SPIRE1: variants seen among roughly 807,000 people sequenced by gnomAD.
SPIRE1 encodes the protein protein spire homolog 1.
In SPIRE1, 40 loss-of-function variants were observed where a neutral mutation model predicts 94.1. That is an observed-to-expected ratio of 0.43 (90% CI 0.33 to 0.55). The LOEUF is 0.55. SPIRE1 is among the 20% of genes least tolerant of loss of function. The pLI, the probability that SPIRE1 is intolerant of heterozygous loss-of-function variation, is 0.06. For synonymous variants in SPIRE1, 376 were observed against 371.7 expected (o/e 1.01, Z -0.13); for missense variants, 838 against 975.2 (o/e 0.86, Z 1.87).
Position 12,608,722 on chromosome 18 carries a change from G to A in SPIRE1, c.372+26340C>T, listed in dbSNP as rs374364193. ...TTGTAATAAAGCTTTACATTAAGGTGATGGCAATAATAATATCAATAGTAT... is the reference window on the plus strand; with the variant it reads ...TTGTAATAAAGCTTTACATTAAGGTAATGGCAATAATAATATCAATAGTAT... On this transcript the variant is annotated intron_variant, in intron 2 of 16. Coordinates refer to ENST00000409402, the MANE Select transcript of SPIRE1 (RefSeq NM_001128626.2). Among the ~76,000 whole-genome samples, 628 of 152,248 alleles carry A rather than the reference G, an allele frequency of 4.1e-3. 1 individual carries two copies. Among genetic ancestry groups the A allele is most frequent in the Non-Finnish European group, 7.3e-3 (496 of 68,020 alleles).
intron 2 of SPIRE1, among the ~76,000 whole-genome samples, chr18:12,587,354 A>G (rs1026092783): frequency 6.6e-5 from 10 of 152,182 alleles, no homozygotes; most frequent in Non-Finnish European, 1.2e-4. Context: ...CTCCAGCTTC[A>G]GCTACCTGCT....
chr18:12,586,593 T>C (rs2036396929), intron 2 of SPIRE1, among the ~76,000 whole-genome samples: 1 of 152,254 alleles, frequency 6.6e-6, no homozygotes, highest in African/African-American at 2.4e-5. Context: ...ACTAACAGTA[T>C]GCAAATTAAA....
chr18:12,539,585 ACG>A (rs112293260), intron 3 of SPIRE1, among the ~76,000 whole-genome samples: 4 of 144,798 alleles, frequency 2.8e-5, no homozygotes, highest in East Asian at 4.0e-4. Context: ...ATACACACAC[ACG>A]CACACACACA....
intron 2 of SPIRE1, among the ~76,000 whole-genome samples, chr18:12,624,457 T>G (rs2037563669): frequency 6.7e-6 from 1 of 148,674 alleles, no homozygotes; most frequent in Non-Finnish European, 1.5e-5. Context: ...GCAGCAGAAT[T>G]ACTTGAACCC....
chr18:12,654,883 C>T (rs1184345923), intron 1 of SPIRE1, among the ~76,000 whole-genome samples: 1 of 151,898 alleles, frequency 6.6e-6, no homozygotes, highest in Non-Finnish European at 1.5e-5. Flanking sequence ...CAAAAATTAG[C>T]TGGGCGTGGT....
At chr18:12,625,566 T>C (rs2037598347) in intron 2 of SPIRE1, among the ~76,000 whole-genome samples, 1 of 152,226 alleles carries the variant, frequency 6.6e-6, no homozygotes, top group African/African-American at 2.4e-5. Context: ...TACAAGATAT[T>C]TTAAGATTTA....
At chr18:12,511,309 T>C (rs778822105) in intron 5 of SPIRE1, among the ~76,000 whole-genome samples, 1 of 152,344 alleles carries the variant, frequency 6.6e-6, no homozygotes, top group Middle Eastern at 3.4e-3. Context: ...GCGTTATGCC[T>C]GAGCTCTGTC....
intron 2 of SPIRE1, among the ~76,000 whole-genome samples, chr18:12,599,562 CT>C: frequency 6.6e-6 from 1 of 152,238 alleles, no homozygotes; most frequent in East Asian, 1.9e-4. Context: ...CCACATCCCT[CT>C]TTAGTCTCCT....
rs76267601 is a variant in SPIRE1 at position 12,646,222 on chromosome 18, C to T, written c.338-11126G>A. On this transcript the variant is annotated intron_variant, in intron 1 of 16. Transcript: ENST00000409402. ...CTCACATAGTCTTCCTTTTAGGCTA[C>T]AGCCCCATCCTGGAGACCTCCAGAA... 1.9e-3 allele frequency among the ~76,000 whole-genome samples: 291 copies of T among 152,252 alleles called. 3 individuals carry two copies. Among genetic ancestry groups the T allele is most frequent in the East Asian group, 3.1e-3 (16 of 5,184 alleles).
In SPIRE1 at chr18:12,559,629, C is replaced by G. The variant is rs772367632; in HGVS notation, c.373-12725G>C. Among the ~76,000 whole-genome samples, 2 of 152,216 alleles carry G rather than the reference C, an allele frequency of 1.3e-5. No homozygotes were observed. Among genetic ancestry groups the G allele is most frequent in the Non-Finnish European group, 2.9e-5 (2 of 68,026 alleles). On this transcript the variant is annotated intron_variant, in intron 2 of 16. Transcript: ENST00000409402. This position sits in a 1 kb window ranked among gnomAD's most constrained non-coding sequence, Gnocchi z 4.7. ...CAAGAGCGAGCGAGGGCTGCTAGCA[C>G]GTTGTCACCTCTCACTACTACAAGA...
chr18:12,466,010 G>C (rs1424298192), intron 10 of SPIRE1, among the ~76,000 whole-genome samples: 1 of 151,718 alleles, frequency 6.6e-6, no homozygotes, highest in South Asian at 2.1e-4. Context: ...CTTGACCCGG[G>C]GAGGCAGCGG....
Position 12,471,870 on chromosome 18 carries a change from C to T in SPIRE1, c.1405-6912G>A, listed in dbSNP as rs1455008262. 7.2e-5 allele frequency among the ~76,000 whole-genome samples: 11 copies of T among 152,046 alleles called. No homozygotes were observed. The South Asian group carries it at 1.3e-3, about 17-fold the overall frequency. ...CACAATCTCGGCTCACTGCAACCTC[C>T]GCCTCTGGAGTTCAAGTGATTCCCA... On this transcript the variant is annotated intron_variant, in intron 10 of 16. Coordinates refer to ENST00000409402, the MANE Select transcript of SPIRE1 (RefSeq NM_001128626.2).
intron 2 of SPIRE1, among the ~76,000 whole-genome samples, chr18:12,594,616 T>G (rs1567956355): frequency 6.6e-6 from 1 of 152,226 alleles, no homozygotes; most frequent in African/African-American, 2.4e-5. Flanking sequence ...TGTTGGGGAA[T>G]GGGGTTGCAA....
chr18:12,536,889 T>C (rs1344522321), intron 3 of SPIRE1, among the ~76,000 whole-genome samples: 1 of 152,244 alleles, frequency 6.6e-6, no homozygotes, highest in African/African-American at 2.4e-5. Flanking sequence ...TCTTAATTTC[T>C]TACTAGTCAG....
At chr18:12,484,624 G>T (rs532122369) in intron 9 of SPIRE1, among the ~76,000 whole-genome samples, 3 of 152,232 alleles carry the variant, frequency 2.0e-5, no homozygotes, top group African/African-American at 7.2e-5. Context: ...TATCTTAAGA[G>T]GCATTCTATG....
chr18:12,559,973 G>T lies in SPIRE1; in HGVS notation c.373-13069C>A, dbSNP rs1459019807. Among the ~76,000 whole-genome samples, 1 of 152,160 alleles carries T rather than the reference G, an allele frequency of 6.6e-6. No homozygotes were observed. Among genetic ancestry groups the T allele is most frequent in the African/African-American group, 2.4e-5 (1 of 41,426 alleles). The stretch of plus-strand genomic sequence containing the variant: ...TTTCTCAAAGTAAGAATTAGAAATG[G>T]CAAACAGGTATATGAAAAGGTGCTT... On this transcript the variant is annotated intron_variant, in intron 2 of 16. Coordinates refer to ENST00000409402, the MANE Select transcript of SPIRE1 (RefSeq NM_001128626.2). The surrounding 1 kb of genome is among the most constrained non-coding windows in gnomAD (Gnocchi z 4.7).
chr18:12,590,703 ACACAGGCATGAAGACCCCCAGGAAGC>A (rs1010708342), intron 2 of SPIRE1, among the ~76,000 whole-genome samples: 1 of 152,148 alleles, frequency 6.6e-6, no homozygotes, highest in Non-Finnish European at 1.5e-5. Flanking sequence ...CAGTGAGAAG[ACACAGGCATGAAGACCCCCAGGAAGC>A]CACTCTCAAG....
chr18:12,455,738 C>CT (rs1158586791), intron 12 of SPIRE1, among the ~76,000 whole-genome samples: 1 of 152,180 alleles, frequency 6.6e-6, no homozygotes, highest in Non-Finnish European at 1.5e-5. Flanking sequence ...GACACTGAAA[C>CT]TGAATGTTCT....
Position 12,625,291 on chromosome 18 carries a change from T to G in SPIRE1, c.372+9771A>C, listed in dbSNP as rs141884834. ...CCACACCGTGTTGCGGCCATGGGAA[T>G]TCAGGTGTGTTTGGGGTCTTTAATC... On this transcript the variant is annotated intron_variant, in intron 2 of 16. Transcript: ENST00000409402. Among the ~76,000 whole-genome samples the G allele has an allele frequency of 2.3e-3, 357 of 152,284 alleles. 3 individuals are homozygous for G. The highest frequency in any genetic ancestry group is 0.014 in the South Asian group (68 of 4,816).
Sources: gnomAD v4.1 joint callset for allele counts (sites outside exome capture counted in the v4.1 genomes callset) on GRCh38, gnomAD v4.1.1 for gene constraint, Gnocchi (gnomAD v3.1) non-coding constraint, MANE v1.5 for transcripts, NCBI Gene and HGNC (gene_info 2026-07-23, HGNC 2026-07-21) for gene names.